The following CALCR variants were observed in gnomAD, a reference collection of about 807,000 sequenced individuals.
CALCR encodes the protein calcitonin receptor.
A neutral mutation model predicts 59.5 loss-of-function variants in CALCR; 47 were observed. That is an observed-to-expected ratio of 0.79 (90% CI 0.63 to 1.01). The LOEUF (loss-of-function observed/expected upper bound fraction) is 1.01. Among genes scored for constraint, CALCR ranks in the 50% least tolerant of loss-of-function variants. CALCR has a pLI of 0.00. For synonymous variants in CALCR, 213 were observed against 211.3 expected (o/e 1.01, Z -0.07); for missense variants, 566 against 597.1 (o/e 0.95, Z 0.54).
At chr7:93,571,220 G>T (rs1789996426) in intron 2 of CALCR, among the ~76,000 whole-genome samples, 1 of 152,032 alleles carries the variant, frequency 6.6e-6, no homozygotes, top group South Asian at 2.1e-4. Context: ...GTCAAGAAAT[G>T]ATGCTTTTAA....
intron 2 of CALCR, among the ~76,000 whole-genome samples, chr7:93,534,309 G>A (rs1009918176): frequency 2.6e-5 from 4 of 151,776 alleles, no homozygotes; most frequent in Admixed American, 2.6e-4. Context: ...TATGATTAAG[G>A]AGCAAGTCCA....
In CALCR at chr7:93,507,593, G is replaced by A. The variant is rs116358517; in HGVS notation, c.-26-20586C>T. Among the ~76,000 whole-genome samples, 1,251 of 151,172 alleles carry A rather than the reference G, an allele frequency of 8.3e-3. 33 individuals are homozygous for A. The highest frequency in any genetic ancestry group is 0.069 in the South Asian group (328 of 4,754). On this transcript the variant is annotated intron_variant, in intron 2 of 13. Coordinates refer to ENST00000426151, the MANE Select transcript of CALCR (RefSeq NM_001742.4). The stretch of plus-strand genomic sequence containing the variant: ...ACTGTTTGTGCAGAACTAAAATCAA[G>A]CTGATGAAGTCTGCATTAAAAAAAA...
intron 13 of CALCR, among the ~76,000 whole-genome samples, chr7:93,429,077 T>C (rs956259931): frequency 3.3e-5 from 5 of 152,244 alleles, no homozygotes; most frequent in African/African-American, 1.2e-4. Context: ...AAAGTTATTA[T>C]TACAGAAAGG....
intron 2 of CALCR, among the ~76,000 whole-genome samples, chr7:93,541,480 G>T (rs1193407065): frequency 2.0e-5 from 3 of 152,132 alleles, no homozygotes; most frequent in Non-Finnish European, 4.4e-5. Context: ...TATGGTAAAA[G>T]AGCAACATAA....
chr7:93,441,261 G>T (rs544652705), intron 9 of CALCR, among the ~76,000 whole-genome samples: 5 of 152,194 alleles, frequency 3.3e-5, no homozygotes, highest in Admixed American at 3.3e-4. Flanking sequence ...ACTGGTAAAA[G>T]AAATATACCA....
chr7:93,496,042 G>A, intron 2 of CALCR: 2 of 819,736 alleles, frequency 2.4e-6, no homozygotes, highest in Admixed American at 3.3e-5. Flanking sequence ...TTCATGTAAG[G>A]GGAACAAATT....
At chr7:93,561,100 A>T (rs974117193) in intron 2 of CALCR, among the ~76,000 whole-genome samples, 1 of 152,182 alleles carries the variant, frequency 6.6e-6, no homozygotes, top group Admixed American at 6.6e-5. Context: ...TAATACAAAT[A>T]AGAAGTATAT....
chr7:93,483,410 TA>T (rs1800845814), intron 3 of CALCR, among the ~76,000 whole-genome samples: 4 of 13,482 alleles, frequency 3.0e-4, no homozygotes, highest in African/African-American at 8.7e-4. Flanking sequence ...GCTGACTGTA[TA>T]GATAGATAGA....
At chr7:93,572,385 T>C (rs1790026327) in intron 2 of CALCR, among the ~76,000 whole-genome samples, 1 of 152,156 alleles carries the variant, frequency 6.6e-6, no homozygotes, top group South Asian at 2.1e-4. Context: ...AAGAAATACA[T>C]CAAATTGCAG....
chr7:93,562,811 A>G (rs937445570), intron 2 of CALCR, among the ~76,000 whole-genome samples: 1 of 152,206 alleles, frequency 6.6e-6, no homozygotes, highest in Non-Finnish European at 1.5e-5. Context: ...AAATTGGATA[A>G]TCTAATGTAA....
In CALCR at chr7:93,504,867, C is replaced by T. The variant is rs574460533; in HGVS notation, c.-26-17860G>A. On this transcript the variant is annotated intron_variant, in intron 2 of 13. Coordinates refer to ENST00000426151, the MANE Select transcript of CALCR (RefSeq NM_001742.4). ...ATCTCCAAGTTCTATCTAAAGCAGA[C>T]GCACCCATACAAGACTTATGCAAGA... Among the ~76,000 whole-genome samples the T allele has an allele frequency of 1.3e-3, 202 of 152,222 alleles. 1 individual carries two copies. Among genetic ancestry groups the T allele is most frequent in the Non-Finnish European group, 2.3e-3 (159 of 68,018 alleles).
chr7:93,523,438 G>C (rs1209158293), intron 2 of CALCR, among the ~76,000 whole-genome samples: 1 of 152,180 alleles, frequency 6.6e-6, no homozygotes, highest in East Asian at 1.9e-4. Context: ...CTCCTGGACT[G>C]TGAGGTTATC....
At chr7:93,439,433 A>G (rs749455837) in intron 9 of CALCR, among the ~76,000 whole-genome samples, 1 of 152,168 alleles carries the variant, frequency 6.6e-6, no homozygotes, top group Non-Finnish European at 1.5e-5. Flanking sequence ...TTAGAATTAG[A>G]GAGAAAGAGA....
intron 7 of CALCR, 101 bp downstream of exon 7, chr7:93,468,614 T>A: frequency 1.5e-6 from 1 of 685,026 alleles, no homozygotes; most frequent in Non-Finnish European, 2.5e-6. Flanking sequence ...TCGCTTGTAA[T>A]TTGCTGAAGA....
At chr7:93,506,373 C>T (rs1378767888) in intron 2 of CALCR, among the ~76,000 whole-genome samples, 1 of 152,118 alleles carries the variant, frequency 6.6e-6, no homozygotes, top group Non-Finnish European at 1.5e-5. Context: ...TCCATATTCT[C>T]CTGCAGGTGT....
intron 5 of CALCR, among the ~76,000 whole-genome samples, chr7:93,473,687 G>T (rs1453250416): frequency 2.0e-5 from 3 of 149,908 alleles, no homozygotes; most frequent in Non-Finnish European, 3.0e-5. Context: ...TTCTGGGGCT[G>T]CCCACTGAGC....
rs187343260 is a variant in CALCR, at chr7:93,534,547, C to T, written c.-27+39742G>A. ...AGACATTATCTCAACTATGTCAGTA[C>T]CCTTTCCAACAAAATTCCACTTTTA... is the stretch of plus-strand genomic sequence containing the variant. On this transcript the variant is annotated intron_variant, in intron 2 of 13. Coordinates refer to ENST00000426151, the MANE Select transcript of CALCR (RefSeq NM_001742.4). 2.2e-3 allele frequency among the ~76,000 whole-genome samples: 338 copies of T among 151,876 alleles called. 1 individual carries two copies. The highest frequency in any genetic ancestry group is 3.9e-3 in the Admixed American group (59 of 15,212).
chr7:93,439,099 T>C (rs1252969623), intron 9 of CALCR, among the ~76,000 whole-genome samples: 1 of 152,166 alleles, frequency 6.6e-6, no homozygotes, highest in East Asian at 1.9e-4. Context: ...GATTGAGACA[T>C]CTGTAGAAAG....
chr7:93,549,080 G>T (rs1366069920), intron 2 of CALCR, among the ~76,000 whole-genome samples: 3 of 152,072 alleles, frequency 2.0e-5, no homozygotes, highest in Non-Finnish European at 4.4e-5. Flanking sequence ...TGACAAAAAA[G>T]ATACAGAATT....
Sources: gnomAD v4.1 joint callset for allele counts (sites outside exome capture counted in the v4.1 genomes callset) on GRCh38, gnomAD v4.1.1 for gene constraint, MANE v1.5 for transcripts, NCBI Gene and HGNC (gene_info 2026-07-23, HGNC 2026-07-21) for gene names.